Variants in UBXN2B observed in about 807,000 individuals in gnomAD.
The protein encoded by UBXN2B is UBX domain-containing protein 2B.
Under a neutral mutation model 37.5 loss-of-function variants are expected in UBXN2B, and 19 were observed. The ratio of observed to expected loss-of-function variants is 0.51; its 90% CI spans 0.35 to 0.74. The LOEUF is 0.74. Among genes scored for constraint, UBXN2B ranks in the 30% least tolerant of loss-of-function variants. The pLI is 0.01. For synonymous variants in UBXN2B, 145 were observed against 143.8 expected, an observed-to-expected ratio of 1.01 and a Z score of -0.06; for missense variants, 370 against 393.2, an observed-to-expected ratio of 0.94 and a Z score of 0.50.
intron 2 of UBXN2B, among the ~76,000 whole-genome samples, chr8:58,430,280 G>A (rs1165750252): frequency 1.3e-5 from 2 of 152,206 alleles, no homozygotes; most frequent in East Asian, 1.9e-4. Flanking sequence ...GCCAGTTGCC[G>A]TGCTGGAGGC....
chr8:58,411,483 C>T lies in UBXN2B; in HGVS notation c.84+14C>T. The stretch of plus-strand genomic sequence containing the variant: ...CGGGATTTGCAGGTGAGGCGAGGAG[C>T]CGGGGGAGGGAGCGCGGCGGTGGAC... On this transcript the variant is annotated intron_variant, in intron 1 of 7. Coordinates refer to ENST00000399598, the MANE Select transcript of UBXN2B (RefSeq NM_001077619.2). The T allele has an allele frequency of 4.0e-6, 5 of 1,249,584 alleles. No individual in the cohort carries two copies. Among genetic ancestry groups the T allele is most frequent in the Non-Finnish European group, 5.0e-6 (5 of 992,538 alleles). The allele number at this position is 1,249,584 out of a possible 1,614,324, so 77.4% of individuals were successfully genotyped here.
At position 58,411,371 on chromosome 8, in the gene UBXN2B, G is replaced by A. The variant is rs956524500; in HGVS notation, c.-15G>A. 6 of 1,269,772 alleles carry A rather than the reference G, an allele frequency of 4.7e-6. No homozygotes were observed. Among genetic ancestry groups the A allele is most frequent in the East Asian group, 6.3e-5 (2 of 31,870 alleles). 78.7% of individuals were successfully genotyped at this position (1,269,772 alleles called of 1,614,324 possible). A position where few individuals can be genotyped will look rare whatever the true frequency, so the allele number is the denominator to read the frequency against. On this transcript the variant is annotated 5_prime_UTR_variant, in exon 1 of 8. Transcript: ENST00000399598. ...GGCAGGTGCGTCCGCAGCGGGCGCC[G>A]CTAGCCAGCGGAAGATGGCGGAGGG...
chr8:58,428,648 T>A (rs1808168519), intron 2 of UBXN2B, among the ~76,000 whole-genome samples: 1 of 152,208 alleles, frequency 6.6e-6, no homozygotes, highest in Non-Finnish European at 1.5e-5. Context: ...AATAAGTTAG[T>A]TTGAATGAGT....
chr8:58,443,682 C>G (rs1251783025), intron 6 of UBXN2B, among the ~76,000 whole-genome samples: 1 of 151,696 alleles, frequency 6.6e-6, no homozygotes, highest in Non-Finnish European at 1.5e-5. Context: ...GTGACAGGCA[C>G]CTGTAATCCC....
chr8:58,436,482 C>A (rs1808414602), intron 5 of UBXN2B, among the ~76,000 whole-genome samples: 1 of 152,222 alleles, frequency 6.6e-6, no homozygotes, highest in Non-Finnish European at 1.5e-5. Flanking sequence ...CTGACATCCC[C>A]TACCTCGACA....
intron 6 of UBXN2B, among the ~76,000 whole-genome samples, chr8:58,442,783 G>T (rs1808581433): frequency 6.6e-6 from 1 of 152,212 alleles, no homozygotes; most frequent in African/African-American, 2.4e-5. Context: ...ATTCTTGGTA[G>T]GCTTTTGAGC....
intron 5 of UBXN2B, among the ~76,000 whole-genome samples, chr8:58,438,264 G>A (rs958458960): frequency 1.4e-4 from 21 of 152,364 alleles, no homozygotes; most frequent in African/African-American, 5.0e-4. Flanking sequence ...AAAGGGAAAT[G>A]TGAGGTTGGA....
intron 2 of UBXN2B, among the ~76,000 whole-genome samples, chr8:58,422,227 A>G (rs1585598562): frequency 1.3e-5 from 2 of 152,270 alleles, no homozygotes; most frequent in Admixed American, 6.5e-5. Flanking sequence ...AAGCAATTCA[A>G]AGTTCAATGA....
chr8:58,435,138 G>A (rs1369823326), intron 5 of UBXN2B: 1 of 1,382,656 alleles, frequency 7.2e-7, no homozygotes, highest in Admixed American at 3.1e-5. Context: ...AAGTAGATAT[G>A]CAACTAAAGA....
chr8:58,413,119 G>C (rs968920532), intron 1 of UBXN2B, among the ~76,000 whole-genome samples: 1 of 152,144 alleles, frequency 6.6e-6, no homozygotes, highest in Admixed American at 6.5e-5. Flanking sequence ...GAGATACTCT[G>C]GTAGATGTTG....
intron 2 of UBXN2B, among the ~76,000 whole-genome samples, chr8:58,424,358 A>G (rs1323230076): frequency 1.3e-5 from 2 of 152,182 alleles, no homozygotes; most frequent in Admixed American, 6.5e-5. Context: ...AGTAGAGATG[A>G]TTTCTTCTTA....
intron 2 of UBXN2B, 74 bp downstream of exon 2, chr8:58,417,027 T>C: frequency 8.5e-7 from 1 of 1,182,960 alleles, no homozygotes; most frequent in South Asian, 1.7e-5. Context: ...CAAATTATTT[T>C]AAATGGCCTT....
chr8:58,421,924 A>G (rs968168063), intron 2 of UBXN2B, among the ~76,000 whole-genome samples: 8 of 152,248 alleles, frequency 5.3e-5, no homozygotes, highest in Non-Finnish European at 1.0e-4. Context: ...TTCCATTCTG[A>G]GTATAAAAGC....
chr8:58,430,814 A>AT, intron 3 of UBXN2B, 145 bp downstream of exon 3: 1 of 685,012 alleles, frequency 1.5e-6, no homozygotes, highest in Non-Finnish European at 2.1e-6. Context: ...TAATATTTCT[A>AT]TTAATGATTG....
intron 7 of UBXN2B, among the ~76,000 whole-genome samples, chr8:58,446,674 C>T (rs554432474): frequency 1.4e-5 from 2 of 148,086 alleles, no homozygotes; most frequent in South Asian, 4.4e-4. Context: ...TATGATAGCA[C>T]ATTTCATAGT....
In UBXN2B at chr8:58,433,195, T is replaced by C; in HGVS notation, c.375T>C (p.Ser125=). The C allele has an allele frequency of 1.2e-6, 2 of 1,613,238 alleles. No individual in the cohort carries two copies. Among genetic ancestry groups the C allele is most frequent in the Admixed American group, 1.7e-5 (1 of 59,958 alleles). Residue 125 remains serine, a synonymous_variant, in exon 4 of 8, where the codon TCT becomes TCC. Coordinates refer to ENST00000399598, the MANE Select transcript of UBXN2B (RefSeq NM_001077619.2). ...GTGGAGGATACAGATTGGGTAGTTC[T>C]TTTTGTAAGCGGTCTGAATATATCT... ...FTGGGYRLGS[S]FCKRSEYIYG... is the part of the protein sequence containing the mutation.
At chr8:58,437,558 T>TA (rs1413812534) in intron 5 of UBXN2B, among the ~76,000 whole-genome samples, 1 of 151,848 alleles carries the variant, frequency 6.6e-6, no homozygotes, top group Non-Finnish European at 1.5e-5. Context: ...CCCCTGACCT[T>TA]ATGATCCACC....
intron 5 of UBXN2B, among the ~76,000 whole-genome samples, chr8:58,438,131 G>A (rs1338559960): frequency 6.6e-6 from 1 of 152,190 alleles, no homozygotes; most frequent in Non-Finnish European, 1.5e-5. Flanking sequence ...CACTCGCTCT[G>A]AAGGGCACAA....
intron 7 of UBXN2B, among the ~76,000 whole-genome samples, chr8:58,446,778 C>CTTTTTTTTTTTTTTT (rs1585622637): frequency 6.7e-5 from 1 of 14,974 alleles, no homozygotes; most frequent in Non-Finnish European, 1.4e-4. Flanking sequence ...GTACAACCTG[C>CTTTTTTTTTTTTTTT]ATTTTTTTTT....
Sources: gnomAD v4.1 joint callset for allele counts (sites outside exome capture counted in the v4.1 genomes callset) on GRCh38, gnomAD v4.1.1 for gene constraint, MANE v1.5 for transcripts, NCBI Gene and HGNC (gene_info 2026-07-23, HGNC 2026-07-21) for gene names.